Variants in KLHL29 observed in about 807,000 individuals in gnomAD.
The protein encoded by KLHL29 is kelch like family member 29, also known as kelch-like protein 29.
In KLHL29, 21 loss-of-function variants were observed where a neutral mutation model predicts 80.4. The observed-to-expected ratio is 0.26, with a 90% CI of 0.19 to 0.38. The LOEUF (loss-of-function observed/expected upper bound fraction) is 0.38, where lower values mean the gene tolerates loss of function less well. KLHL29 is among the 10% of genes least tolerant of loss of function. The pLI is 1.00. For missense variants in KLHL29, 867 were observed against 1,223.9 expected, an observed-to-expected ratio of 0.71 and a Z score of 4.35; for synonymous variants, 511 against 526.8, an observed-to-expected ratio of 0.97 and a Z score of 0.41.
chr2:23,704,041 G>A (rs987391941), intron 13 of KLHL29, among the ~76,000 whole-genome samples, 178 bp downstream of exon 13: 5 of 152,200 alleles, frequency 3.3e-5, no homozygotes, highest in African/African-American at 1.2e-4. Flanking sequence ...GGAGCCCACG[G>A]CAGCCTCTGG....
chr2:23,410,647 G>T (rs190022450), intron 1 of KLHL29, among the ~76,000 whole-genome samples: 1 of 151,990 alleles, frequency 6.6e-6, no homozygotes, highest in Non-Finnish European at 1.5e-5. Context: ...CTGTTGGTCC[G>T]CAGTCCTCTT....
chr2:23,643,419 T>C (rs1385614364), intron 5 of KLHL29: 1 of 175,828 alleles, frequency 5.7e-6, no homozygotes, highest in Non-Finnish European at 1.2e-5. Context: ...GATCCAGGGG[T>C]GGCTTTGTGA....
At chr2:23,530,295 C>G (rs1666453442) in intron 2 of KLHL29, among the ~76,000 whole-genome samples, 1 of 152,208 alleles carries the variant, frequency 6.6e-6, no homozygotes, top group Non-Finnish European at 1.5e-5. Flanking sequence ...TGGGCCCTCC[C>G]ACGGCTTGTC....
At chr2:23,654,703 G>GA (rs1284518209) in intron 5 of KLHL29, among the ~76,000 whole-genome samples, 1 of 111,754 alleles carries the variant, frequency 8.9e-6, no homozygotes, top group Non-Finnish European at 2.0e-5. Context: ...GGTTGGGGGG[G>GA]GGGGGTGGAT....
intron 1 of KLHL29, among the ~76,000 whole-genome samples, chr2:23,386,229 C>G (rs1188167162): frequency 6.6e-6 from 1 of 152,098 alleles, no homozygotes. Context: ...CCAGGGGCGG[C>G]CGCGCGCACT....
In KLHL29 at chr2:23,696,022, G is replaced by A. The variant is rs956835144; in HGVS notation, c.1813G>A (p.Val605Ile). 2.5e-5 allele frequency: 39 copies of A among 1,551,606 alleles called. No individual in the cohort carries two copies. Among genetic ancestry groups the A allele is most frequent in the Admixed American group, 1.2e-4 (6 of 50,990 alleles). Residue 605 changes from valine to isoleucine, a missense_variant, in exon 10 of 14, where the codon GTC becomes ATC. Val to Ile is a conservative substitution (Grantham distance 29). This residue lies in a region of KLHL29 where 443 missense variants were observed against 767.0 expected (regional missense o/e 0.58). Coordinates refer to ENST00000486442, the MANE Select transcript of KLHL29 (RefSeq NM_052920.2). This position sits in a 1 kb window ranked among gnomAD's most constrained non-coding sequence, Gnocchi z 5.5. Reference protein sequence around the residue: ...VGMTQRSLVAVTCWNPQNNKW... With the variant: ...VGMTQRSLVAITCWNPQNNKW... ...GATGACCCAGCGCTCGCTGGTGGCC[G>A]TCACCTGCTGGAACCCGCAGAACAA... is the stretch of plus-strand genomic sequence containing the variant.
At chr2:23,564,233 G>C (rs772771029) in intron 3 of KLHL29, among the ~76,000 whole-genome samples, 7 of 152,332 alleles carry the variant, frequency 4.6e-5, no homozygotes, top group Admixed American at 1.3e-4. Flanking sequence ...GGGCTGTGCT[G>C]CCTGCAGAGC....
chr2:23,559,848 G>A (rs113640394), intron 2 of KLHL29, among the ~76,000 whole-genome samples: 7 of 152,200 alleles, frequency 4.6e-5, no homozygotes, highest in East Asian at 1.9e-4. Flanking sequence ...TCTGGAACCC[G>A]GAGGAGCCCC....
chr2:23,508,982 T>C (rs1199776345), intron 2 of KLHL29, among the ~76,000 whole-genome samples: 1 of 152,342 alleles, frequency 6.6e-6, no homozygotes, highest in East Asian at 1.9e-4. Context: ...TTCCCTCATC[T>C]GTAAAAGATT....
chr2:23,386,627 G>T (rs921050371), intron 1 of KLHL29, among the ~76,000 whole-genome samples: 3 of 152,066 alleles, frequency 2.0e-5, no homozygotes, highest in Non-Finnish European at 1.5e-5. Flanking sequence ...GCCTCGGGGG[G>T]CCGGGGGAGC....
chr2:23,648,520 C>A (rs1327980265), intron 5 of KLHL29, among the ~76,000 whole-genome samples: 1 of 152,030 alleles, frequency 6.6e-6, no homozygotes, highest in East Asian at 1.9e-4. Flanking sequence ...TAACGTTTGA[C>A]AATCCTCCAC....
chr2:23,449,488 GCTTAT>G (rs1188323162), intron 1 of KLHL29, among the ~76,000 whole-genome samples: 1 of 152,200 alleles, frequency 6.6e-6, no homozygotes, highest in Admixed American at 6.5e-5. Context: ...AGGTGGCTCT[GCTTAT>G]CTTGGCTGGG....
intron 1 of KLHL29, among the ~76,000 whole-genome samples, chr2:23,387,262 G>A (rs934728390): frequency 5.3e-5 from 8 of 152,240 alleles, no homozygotes; most frequent in African/African-American, 1.9e-4. Context: ...CGCTGCTGCA[G>A]GTTCCAGCCT....
At chr2:23,606,460 A>T (rs998793598) in intron 3 of KLHL29, among the ~76,000 whole-genome samples, 1 of 152,026 alleles carries the variant, frequency 6.6e-6, no homozygotes, top group African/African-American at 2.4e-5. Flanking sequence ...TAGCCAAGGG[A>T]TCTAAGGCAC....
chr2:23,416,946 T>C (rs994031362), intron 1 of KLHL29, among the ~76,000 whole-genome samples: 5 of 152,182 alleles, frequency 3.3e-5, no homozygotes, highest in Admixed American at 2.0e-4. Flanking sequence ...GCACCTCCAT[T>C]TGAGCCCTTC....
intron 1 of KLHL29, among the ~76,000 whole-genome samples, chr2:23,449,003 C>T (rs1392628551): frequency 6.6e-6 from 1 of 152,136 alleles, no homozygotes; most frequent in Non-Finnish European, 1.5e-5. Flanking sequence ...GTTGATTGAG[C>T]CAGTCTGCAG....
At chr2:23,452,942 G>C (rs569690144) in intron 1 of KLHL29, among the ~76,000 whole-genome samples, 29 of 151,730 alleles carry the variant, frequency 1.9e-4, no homozygotes, top group African/African-American at 6.8e-4. Context: ...CCCAGCACTT[G>C]AGCTGCGCTT....
intron 5 of KLHL29, among the ~76,000 whole-genome samples, chr2:23,679,811 CAA>C (rs1171843072): frequency 6.6e-6 from 1 of 152,106 alleles, no homozygotes; most frequent in African/African-American, 2.4e-5. Context: ...GGGAAGGAGG[CAA>C]AGAGGCCCAG....
intron 3 of KLHL29, among the ~76,000 whole-genome samples, chr2:23,597,309 A>ATG (rs1217422868): frequency 0.2 from 19,793 of 100,348 alleles, 2,048 homozygotes; most frequent in African/African-American, 0.23. Context: ...ATATATATAT[A>ATG]TGTGTGTGTG....
Sources: gnomAD v4.1 joint callset for allele counts (sites outside exome capture counted in the v4.1 genomes callset) on GRCh38, gnomAD v4.1.1 for gene constraint, gnomAD v4.1.1 regional missense constraint, Gnocchi (gnomAD v3.1) non-coding constraint, MANE v1.5 for transcripts, NCBI Gene and HGNC (gene_info 2026-07-23, HGNC 2026-07-21) for gene names.